RUNX1T1: variants seen among roughly 807,000 people sequenced by gnomAD.
RUNX1T1 encodes protein CBFA2T1.
Under a neutral mutation model 62.8 loss-of-function variants are expected in RUNX1T1, and 4 were observed. The observed-to-expected ratio is 0.06, with a 90% CI of 0.03 to 0.15. The LOEUF is 0.15. RUNX1T1 is among the 10% of genes least tolerant of loss of function. RUNX1T1 has a pLI of 1.00. For missense variants in RUNX1T1, 508 were observed against 754.3 expected (o/e 0.67, Z 3.82); for synonymous variants, 291 against 286.0 (o/e 1.02, Z -0.18).
chr8:92,094,551 AG>A (rs767847755), intron 1 of RUNX1T1, among the ~76,000 whole-genome samples: 37 of 152,320 alleles, frequency 2.4e-4, no homozygotes, highest in Non-Finnish European at 2.6e-4. Flanking sequence ...CCATATTAAA[AG>A]TAGGCTTCAT....
chr8:91,959,482 GTGTGTGTATATA>G lies in RUNX1T1; in HGVS notation c.*748_*759del, dbSNP rs1563591818. On this transcript the variant is annotated 3_prime_UTR_variant, in exon 11 of 11. Coordinates refer to ENST00000396218, the Ensembl canonical transcript of RUNX1T1. ...TGTGTGTGTGTATATGTGCGTGTGT[GTGTGTGTATATA>G]TATATATATATATATATATATGGAG... 127 of 171,050 alleles carry G rather than the reference GTGTGTGTATATA, an allele frequency of 7.4e-4. 3 individuals are homozygous for G. Among genetic ancestry groups the G allele is most frequent in the East Asian group, 2.7e-3 (24 of 8,974 alleles). The allele number at this position is 171,050 out of a possible 1,614,324, so 10.6% of individuals were successfully genotyped here. A position where few individuals can be genotyped will look rare whatever the true frequency, so the allele number is the denominator to read the frequency against.
At chr8:91,986,801 A>T in intron 7 of RUNX1T1, 86 bp downstream of exon 8, 1 of 880,482 alleles carries the variant, frequency 1.1e-6, no homozygotes, top group Non-Finnish European at 1.9e-6. Flanking sequence ...CCTTCAAAGG[A>T]TCACCAAGCT....
intron 5 of RUNX1T1, among the ~76,000 whole-genome samples, chr8:91,993,817 C>A (rs1314501531): frequency 6.6e-6 from 1 of 152,062 alleles, no homozygotes; most frequent in African/African-American, 2.4e-5. Context: ...CACTGTGAAA[C>A]CTCGCCTCTA....
chr8:91,959,412 T>TTGTGTGTGTGTGTGTGTGTGTGTG (rs56037232), exon 11 of RUNX1T1: 2 of 135,858 alleles, frequency 1.5e-5, no homozygotes, highest in Admixed American at 9.4e-5. Context: ...AGTCTCTTAC[T>TTGTGTGTGTGTGTGTGTGTGTGTG]TGTGTGTGTG....
At chr8:92,099,481 T>C (rs756216766) in intron 1 of RUNX1T1, 2 of 213,572 alleles carry the variant, frequency 9.4e-6, no homozygotes, top group Non-Finnish European at 8.1e-6. Context: ...AGTCTGTGGA[T>C]CACTATATGA....
chr8:92,040,168 T>C (rs1028551612), intron 1 of RUNX1T1, among the ~76,000 whole-genome samples: 4 of 152,192 alleles, frequency 2.6e-5, no homozygotes, highest in African/African-American at 4.8e-5. Context: ...AACAAGCTTA[T>C]GATCTTTCAA....
chr8:92,032,628 C>T (rs1826475589), intron 1 of RUNX1T1, among the ~76,000 whole-genome samples: 1 of 152,118 alleles, frequency 6.6e-6, no homozygotes, highest in Non-Finnish European at 1.5e-5. Flanking sequence ...GAAATAGTTC[C>T]ATCAGGCCAG....
At chr8:92,102,973 T>C (rs937077275), upstream of RUNX1T1, 1 of 1,416,144 alleles carries the variant, frequency 7.1e-7, no homozygotes, top group African/African-American at 1.5e-5. This position sits in a 1 kb window ranked among gnomAD's most constrained non-coding sequence, Gnocchi z 4.5. Flanking sequence ...GCGGCTTCCC[T>C]CGCGAGGCCA....
At chr8:92,033,160 CA>C (rs1268783469) in intron 1 of RUNX1T1, among the ~76,000 whole-genome samples, 73 of 152,034 alleles carry the variant, frequency 4.8e-4, no homozygotes, top group African/African-American at 1.8e-3. Flanking sequence ...ATCAAGTATA[CA>C]AAGAAATTCA....
chr8:92,005,111 C>T lies in RUNX1T1; in HGVS notation c.659+5G>A, dbSNP rs764266832. 1.2e-6 allele frequency: 2 copies of T among 1,601,014 alleles called. No individual in the cohort carries two copies. Among genetic ancestry groups the T allele is most frequent in the Admixed American group, 1.8e-5 (1 of 56,900 alleles). ...TGGTTCATCCAGGCTCCTCCTCCCT[C>T]TCACCTGTCTGGAGTTCGCCTCTTC... is the stretch of plus-strand genomic sequence containing the variant. On this transcript the variant is annotated splice_donor_5th_base_variant and intron_variant, in intron 5 of 10. Coordinates refer to ENST00000396218, the Ensembl canonical transcript of RUNX1T1.
intron 1 of RUNX1T1, among the ~76,000 whole-genome samples, chr8:92,044,102 T>C (rs1337661115): frequency 1.3e-5 from 2 of 151,858 alleles, no homozygotes; most frequent in East Asian, 3.9e-4. Flanking sequence ...ACAGCATAGA[T>C]GTATGGATAG....
chr8:92,090,868 T>G (rs1836878590), intron 1 of RUNX1T1, among the ~76,000 whole-genome samples: 2 of 152,096 alleles, frequency 1.3e-5, no homozygotes, highest in Non-Finnish European at 1.5e-5. Flanking sequence ...TTCTTTGAAA[T>G]GAAGAAAGTG....
chr8:91,986,824 C>T (rs1816663779), intron 7 of RUNX1T1, 63 bp downstream of exon 8: 1 of 1,049,980 alleles, frequency 9.5e-7, no homozygotes, highest in Non-Finnish European at 1.5e-6. Context: ...TATTTTATCA[C>T]ATAACCTCAC....
At chr8:92,092,710 A>G (rs1319862271) in intron 1 of RUNX1T1, among the ~76,000 whole-genome samples, 1 of 152,158 alleles carries the variant, frequency 6.6e-6, no homozygotes, top group Non-Finnish European at 1.5e-5. Flanking sequence ...CCTTTTTATT[A>G]CCAGGATTTT....
At chr8:92,081,367 A>G in intron 1 of RUNX1T1, 1 of 330,278 alleles carries the variant, frequency 3.0e-6, no homozygotes. Flanking sequence ...CTACTCAAAA[A>G]TATCAGTACA....
chr8:92,062,851 A>G, exon 1 of RUNX1T1: 2 of 1,410,976 alleles, frequency 1.4e-6, no homozygotes, highest in Non-Finnish European at 9.2e-7. Flanking sequence ...TGTGCAAAGT[A>G]TCACAACCCC....
At chr8:92,095,391 AC>A (rs1355609063) in intron 1 of RUNX1T1, 1 of 1,535,500 alleles carries the variant, frequency 6.5e-7, no homozygotes, top group East Asian at 2.4e-5. Context: ...CCGAGGCGGC[AC>A]CCAGACCGCG....
chr8:92,084,331 G>A (rs1835761656), intron 1 of RUNX1T1, among the ~76,000 whole-genome samples: 1 of 152,038 alleles, frequency 6.6e-6, no homozygotes, highest in East Asian at 1.9e-4. Context: ...TTGTTTTATT[G>A]TATGTTTTTT....
intron 1 of RUNX1T1, chr8:92,095,485 G>C (rs1563949391): frequency 1.3e-6 from 2 of 1,529,654 alleles, no homozygotes; most frequent in Admixed American, 4.0e-5. Flanking sequence ...GAGTGAGTGT[G>C]TGAGCGCAGG....
Sources: allele counts gnomAD v4.1 joint callset (sites outside exome capture counted in the v4.1 genomes callset), GRCh38; gene constraint gnomAD v4.1.1; non-coding constraint Gnocchi (gnomAD v3.1); transcripts MANE v1.5; gene names NCBI Gene and HGNC (gene_info 2026-07-23, HGNC 2026-07-21).